Variants in NDUFAF6 observed in about 807,000 individuals in gnomAD.
The protein encoded by NDUFAF6 is NADH dehydrogenase (ubiquinone) complex I, assembly factor 6.
NDUFAF6 carries 45 observed loss-of-function variants against 40.8 expected under a neutral mutation model. The ratio of observed to expected loss-of-function variants is 1.10; its 90% CI spans 0.87 to 1.42. The LOEUF (loss-of-function observed/expected upper bound fraction) is 1.42, where lower values mean the gene tolerates loss of function less well. NDUFAF6 is among the 40% of genes most tolerant of loss of function. The pLI is 0.00. For synonymous variants in NDUFAF6, 185 were observed against 155.9 expected, an observed-to-expected ratio of 1.19 and a Z score of -1.39; for missense variants, 435 against 418.5, an observed-to-expected ratio of 1.04 and a Z score of -0.34.
At chr8:95,059,999 TAGGCGTCTTGGTTCCTTTCTA>T, downstream of NDUFAF6, among the ~76,000 whole-genome samples, 1 of 123,244 alleles carries the variant, frequency 8.1e-6, no homozygotes, top group Non-Finnish European at 1.9e-5. Context: ...AGCAATCATC[TAGGCGTCTTGGTTCCTTTCTA>T]AGGGTCTTAA....
intron 1 of NDUFAF6, among the ~76,000 whole-genome samples, chr8:95,030,979 G>A (rs1828759806): frequency 6.6e-6 from 1 of 152,200 alleles, no homozygotes; most frequent in Non-Finnish European, 1.5e-5. Flanking sequence ...TAAGCAACCA[G>A]CTGTAGCGTG....
chr8:95,110,371 C>T (rs1809965938), intron 4 of NDUFAF6, among the ~76,000 whole-genome samples: 1 of 152,174 alleles, frequency 6.6e-6, no homozygotes, highest in Non-Finnish European at 1.5e-5. Flanking sequence ...TCATGGGTGC[C>T]ACTTACTTAA....
exon 3 of NDUFAF6, chr8:95,103,343 C>T (rs994706071): frequency 6.6e-6 from 1 of 152,144 alleles, no homozygotes. Context: ...GAGTATGGGG[C>T]CAGATATAGC....
downstream of NDUFAF6, among the ~76,000 whole-genome samples, chr8:95,107,318 G>A (rs1217513617): frequency 1.3e-5 from 2 of 152,198 alleles, no homozygotes; most frequent in South Asian, 4.1e-4. Flanking sequence ...ATGAGTTCAT[G>A]TCCTTTGCAA....
At chr8:95,118,192 T>A (rs1359959031), downstream of NDUFAF6, among the ~76,000 whole-genome samples, 2 of 152,206 alleles carry the variant, frequency 1.3e-5, no homozygotes, top group Admixed American at 6.5e-5. Flanking sequence ...CTGCATGGGT[T>A]CTGGGTTCCC....
intron 1 of NDUFAF6, chr8:94,927,160 G>A (rs907257209): frequency 1.3e-5 from 2 of 152,584 alleles, no homozygotes; most frequent in African/African-American, 2.4e-5. Context: ...GTAAATATCT[G>A]TCTTCTAGTT....
chr8:94,911,028 T>C (rs1014495342), intron 1 of NDUFAF6, among the ~76,000 whole-genome samples: 16 of 152,096 alleles, frequency 1.1e-4, no homozygotes, highest in African/African-American at 3.6e-4. Context: ...TGGAGAAAAA[T>C]AAGGAAATCT....
chr8:94,948,095 C>T (rs1373217506), intron 2 of NDUFAF6, among the ~76,000 whole-genome samples: 1 of 152,162 alleles, frequency 6.6e-6, no homozygotes, highest in Non-Finnish European at 1.5e-5. Flanking sequence ...ATGCCCAAGT[C>T]CTTGGGAGTC....
At chr8:95,024,414 C>T (rs1431000654), upstream of NDUFAF6, among the ~76,000 whole-genome samples, 1 of 152,190 alleles carries the variant, frequency 6.6e-6, no homozygotes, top group Non-Finnish European at 1.5e-5. Flanking sequence ...TGATAATGGC[C>T]TACTGTGTGG....
At chr8:94,905,556 T>TC (rs1210662734) in intron 1 of NDUFAF6, among the ~76,000 whole-genome samples, 7 of 152,178 alleles carry the variant, frequency 4.6e-5, no homozygotes, top group Non-Finnish European at 1.5e-5. Flanking sequence ...GCCCAGAGCT[T>TC]CCCTGGTCCT....
upstream of NDUFAF6, among the ~76,000 whole-genome samples, chr8:94,955,936 G>A (rs184547966): frequency 5.1e-4 from 78 of 152,284 alleles, 1 homozygote; most frequent in African/African-American, 1.8e-3. Flanking sequence ...AAGTGCAATA[G>A]AAACCAATCA....
At chr8:94,905,349 G>A (rs1818327547) in intron 1 of NDUFAF6, among the ~76,000 whole-genome samples, 1 of 150,504 alleles carries the variant, frequency 6.6e-6, no homozygotes, top group African/African-American at 2.5e-5. Flanking sequence ...ATTTTTTGAC[G>A]GGTCGGATTT....
intron 1 of NDUFAF6, chr8:94,980,797 A>G (rs1825382867): frequency 2.6e-6 from 1 of 378,532 alleles, no homozygotes; most frequent in Non-Finnish European, 5.3e-6. Context: ...AGTTTAGTGC[A>G]TAGTTGTTTA....
chr8:94,993,939 G>A (rs1471947615), intron 2 of NDUFAF6, among the ~76,000 whole-genome samples: 1 of 152,156 alleles, frequency 6.6e-6, no homozygotes, highest in Admixed American at 6.5e-5. Context: ...CAAATAGTGG[G>A]AGCCAAATTC....
chr8:95,082,012 C>T (rs561861143), intron 2 of NDUFAF6, among the ~76,000 whole-genome samples: 7 of 152,126 alleles, frequency 4.6e-5, no homozygotes, highest in South Asian at 4.1e-4. Context: ...TGCAGTGAGC[C>T]GAGATCGCGC....
intron 1 of NDUFAF6, among the ~76,000 whole-genome samples, chr8:94,911,429 C>G (rs1206459898): frequency 6.6e-6 from 1 of 152,090 alleles, no homozygotes; most frequent in Non-Finnish European, 1.5e-5. Flanking sequence ...CTTTTTCCTC[C>G]CACATAAGTG....
chr8:95,078,283 T>C (rs1426612277), downstream of NDUFAF6, among the ~76,000 whole-genome samples: 1 of 151,960 alleles, frequency 6.6e-6, no homozygotes, highest in Admixed American at 6.6e-5. Flanking sequence ...ACTTCTGTGG[T>C]TTTGGCAAAT....
Position 95,038,471 on chromosome 8 carries a change from G to T in NDUFAF6, c.420+2895G>T, listed in dbSNP as rs145265147. Among the ~76,000 whole-genome samples the T allele has an allele frequency of 1.1e-3, 169 of 151,270 alleles. 1 individual carries two copies. Among genetic ancestry groups the T allele is most frequent in the African/African-American group, 4.0e-3 (165 of 41,206 alleles). ...CTGCAGCTTTGATCTCCCAGGCCCG[G>T]GTAGCTGGGGCTACAGGCACATGCT... On this transcript the variant is annotated intron_variant, in intron 3 of 8. Transcript: ENST00000396124.
At position 95,058,610 on chromosome 8, in the gene NDUFAF6, C is replaced by G. The variant is rs970909856; in HGVS notation, c.*673C>G. On this transcript the variant is annotated 3_prime_UTR_variant, in exon 9 of 9. Transcript: ENST00000396124. ...AATCCCACTTCCTCACTCTGTCATT[C>G]AGCATTATCATGATCGTGAACAAAA... 1.7e-6 allele frequency: 2 copies of G among 1,160,410 alleles called. No homozygotes were observed. The highest frequency in any genetic ancestry group is 3.2e-5 in the African/African-American group (2 of 62,898). 71.9% of individuals were successfully genotyped at this position (1,160,410 alleles called of 1,614,324 possible).
Sources: gnomAD v4.1 joint callset for allele counts (sites outside exome capture counted in the v4.1 genomes callset) on GRCh38, gnomAD v4.1.1 for gene constraint, MANE v1.5 for transcripts, NCBI Gene and HGNC (gene_info 2026-07-23, HGNC 2026-07-21) for gene names.